Variants in IPO11 observed in about 807,000 individuals in gnomAD.
The protein encoded by IPO11 is importin 11.
IPO11 carries 66 observed loss-of-function variants against 143.2 expected under a neutral mutation model. The observed-to-expected ratio is 0.46, with a 90% CI of 0.38 to 0.57. The LOEUF (loss-of-function observed/expected upper bound fraction) is 0.57, where lower values mean the gene tolerates loss of function less well. Among genes scored for constraint, IPO11 ranks in the 20% least tolerant of loss-of-function variants. The probability of loss-of-function intolerance (pLI) is 0.00; values close to 1 mark genes in which losing one functional copy is unlikely to be tolerated. For missense variants in IPO11, 1,026 were observed against 1,141.0 expected, an observed-to-expected ratio of 0.90 and a Z score of 1.45; for synonymous variants, 385 against 377.8, an observed-to-expected ratio of 1.02 and a Z score of -0.22.
intron 26 of IPO11, 44 bp downstream of exon 26, chr5:62,551,380 T>C (rs1743385691): frequency 9.6e-7 from 1 of 1,037,442 alleles, no homozygotes; most frequent in Non-Finnish European, 1.5e-6. Context: ...TTTATCTAAA[T>C]ATAAATTAGA....
intron 5 of IPO11, among the ~76,000 whole-genome samples, chr5:62,455,283 G>A (rs1352166211): frequency 6.6e-6 from 1 of 152,114 alleles, no homozygotes; most frequent in Non-Finnish European, 1.5e-5. Context: ...GCACTGGGAG[G>A]CCGTGGTGGG....
At chr5:62,450,633 T>G (rs1744879648) in intron 4 of IPO11, among the ~76,000 whole-genome samples, 1 of 149,740 alleles carries the variant, frequency 6.7e-6, no homozygotes, top group Non-Finnish European at 1.5e-5. Context: ...TTTTAATGAT[T>G]ATAATTTTTA....
intron 9 of IPO11, among the ~76,000 whole-genome samples, chr5:62,480,789 T>C (rs567139308): frequency 1.2e-4 from 19 of 152,246 alleles, no homozygotes; most frequent in Non-Finnish European, 2.4e-4. Context: ...AATTTTGTAT[T>C]CTGAGACTTT....
At position 62,543,631 on chromosome 5, in the gene IPO11, A is replaced by G. The variant is rs59389072; in HGVS notation, c.2250+6342A>G. Reference sequence around the variant, plus strand: ...ATCAATTTTGTTGATCTTTTCAAAAAACCAGCTCCTGGATTTATTGATTTT... The same window carrying G: ...ATCAATTTTGTTGATCTTTTCAAAAGACCAGCTCCTGGATTTATTGATTTT... On this transcript the variant is annotated intron_variant, in intron 24 of 29. Coordinates refer to ENST00000325324, the MANE Select transcript of IPO11 (RefSeq NM_016338.5). Among the ~76,000 whole-genome samples, 670 of 152,226 alleles carry G rather than the reference A, an allele frequency of 4.4e-3. 7 individuals are homozygous for G. Among genetic ancestry groups the G allele is most frequent in the African/African-American group, 0.016 (646 of 41,524 alleles).
chr5:62,624,586 G>A (rs1319643094), intron 29 of IPO11, among the ~76,000 whole-genome samples: 1 of 152,116 alleles, frequency 6.6e-6, no homozygotes, highest in Non-Finnish European at 1.5e-5. Context: ...TTTATGACCT[G>A]TATCTTGTGC....
chr5:62,580,268 A>G (rs142293264), intron 27 of IPO11: 1 of 1,541,952 alleles, frequency 6.5e-7, no homozygotes, highest in East Asian at 2.4e-5. Context: ...GGAATTAATA[A>G]TCTTAAACAT....
intron 20 of IPO11, among the ~76,000 whole-genome samples, chr5:62,516,691 C>T (rs1742032320): frequency 6.6e-6 from 1 of 152,128 alleles, no homozygotes; most frequent in Non-Finnish European, 1.5e-5. Context: ...GTACATTTCC[C>T]TGCTTTCTTT....
chr5:62,580,944 A>G, intron 27 of IPO11: 1 of 1,551,348 alleles, frequency 6.4e-7, no homozygotes. Context: ...ACAGTGCTCT[A>G]CCGAATGATG....
At chr5:62,612,286 C>T (rs891401136) in intron 29 of IPO11, among the ~76,000 whole-genome samples, 2 of 152,058 alleles carry the variant, frequency 1.3e-5, no homozygotes, top group East Asian at 1.9e-4. Flanking sequence ...GACAGGCCAA[C>T]GGATTTTAAT....
chr5:62,424,497 A>T (rs913387032), intron 1 of IPO11, among the ~76,000 whole-genome samples: 4 of 131,176 alleles, frequency 3.0e-5, no homozygotes, highest in Admixed American at 7.6e-5. Context: ...CAATGGCGTG[A>T]TCTTGGCTCA....
chr5:62,416,032 G>A (rs1047912861), intron 1 of IPO11, among the ~76,000 whole-genome samples: 1 of 152,090 alleles, frequency 6.6e-6, no homozygotes, highest in Admixed American at 6.6e-5. Flanking sequence ...GAGAGTGGAA[G>A]TCTAAGATCA....
rs1746629044 is a variant in IPO11, at chr5:62,627,515, A to G, written c.*197A>G. On this transcript the variant is annotated 3_prime_UTR_variant, in exon 30 of 30. Transcript: ENST00000325324. Reference sequence around the variant, plus strand: ...AATCACAAACCTATTCCTCAAAAGAATTTAATTTTATATTTATGAGGGGGC... The same window carrying G: ...AATCACAAACCTATTCCTCAAAAGAGTTTAATTTTATATTTATGAGGGGGC... The G allele has an allele frequency of 2.2e-6, 1 of 455,058 alleles. No homozygotes were observed. Among genetic ancestry groups the G allele is most frequent in the Non-Finnish European group, 3.8e-6 (1 of 265,684 alleles). 28.2% of individuals were successfully genotyped at this position (455,058 alleles called of 1,614,324 possible). A position where few individuals can be genotyped will look rare whatever the true frequency, so the allele number is the denominator to read the frequency against.
At chr5:62,492,663 C>T (rs1161670729) in intron 15 of IPO11, among the ~76,000 whole-genome samples, 1 of 152,094 alleles carries the variant, frequency 6.6e-6, no homozygotes, top group Non-Finnish European at 1.5e-5. Flanking sequence ...CCCACCTCTG[C>T]CTCCTGAGCA....
chr5:62,559,916 C>CAA (rs759468696), intron 26 of IPO11, among the ~76,000 whole-genome samples: 1,753 of 16,944 alleles, frequency 0.1, 119 homozygotes, highest in East Asian at 0.18. Context: ...AACTCTGTCT[C>CAA]AAAAAAAAAA....
At chr5:62,435,200 G>A (rs201525453) in intron 1 of IPO11, among the ~76,000 whole-genome samples, 1 of 104,694 alleles carries the variant, frequency 9.6e-6, no homozygotes, top group Admixed American at 1.1e-4. Context: ...GTATATATAT[G>A]TATATATATG....
At chr5:62,603,287 T>C (rs906137233) in intron 29 of IPO11, among the ~76,000 whole-genome samples, 1 of 152,220 alleles carries the variant, frequency 6.6e-6, no homozygotes, top group Non-Finnish European at 1.5e-5. Flanking sequence ...TTTTGGTGAA[T>C]CAGTGAGTGA....
intron 16 of IPO11, among the ~76,000 whole-genome samples, chr5:62,501,678 T>C (rs1250778009): frequency 6.6e-6 from 1 of 152,218 alleles, no homozygotes; most frequent in African/African-American, 2.4e-5. Context: ...AGTGTACTAA[T>C]GTATAGGATA....
intron 24 of IPO11, among the ~76,000 whole-genome samples, chr5:62,545,909 C>T (rs1262147148): frequency 6.6e-6 from 1 of 152,196 alleles, no homozygotes; most frequent in African/African-American, 2.4e-5. Flanking sequence ...TACCATCTCA[C>T]ACCAGTTAGA....
At chr5:62,484,256 C>T (rs1746315745) in intron 11 of IPO11, 94 bp downstream of exon 11, 1 of 987,736 alleles carries the variant, frequency 1.0e-6, no homozygotes, top group Non-Finnish European at 1.4e-6. Context: ...TTTCATACAG[C>T]ACTTTTGATC....
Sources: gnomAD v4.1 joint callset for allele counts (sites outside exome capture counted in the v4.1 genomes callset) on GRCh38, gnomAD v4.1.1 for gene constraint, MANE v1.5 for transcripts, NCBI Gene and HGNC (gene_info 2026-07-23, HGNC 2026-07-21) for gene names.